SHCBP1L: variants seen among roughly 807,000 people sequenced by gnomAD.
SHCBP1L encodes SHC binding and spindle associated 1 like, also known as testicular spindle-associated protein SHCBP1L.
A neutral mutation model predicts 62.5 loss-of-function variants in SHCBP1L; 67 were observed. The ratio of observed to expected loss-of-function variants is 1.07; its 90% CI spans 0.88 to 1.31. The LOEUF (loss-of-function observed/expected upper bound fraction) is 1.31. Among genes scored for constraint, SHCBP1L ranks in the 40% most tolerant of loss-of-function variants. The pLI is 0.00. For synonymous variants in SHCBP1L, 284 were observed against 289.4 expected, an observed-to-expected ratio of 0.98 and a Z score of 0.19; for missense variants, 823 against 809.8, an observed-to-expected ratio of 1.02 and a Z score of -0.20.
At chr1:182,924,778 A>AAGAGAG (rs1425692109) in intron 6 of SHCBP1L, among the ~76,000 whole-genome samples, 2 of 99,068 alleles carry the variant, frequency 2.0e-5, no homozygotes, top group African/African-American at 1.6e-4. Context: ...GAAAGAAAGA[A>AAGAGAG]AGAAAGAAAG....
At chr1:182,914,716 CA>C (rs561888927) in intron 6 of SHCBP1L, among the ~76,000 whole-genome samples, 184 of 150,842 alleles carry the variant, frequency 1.2e-3, no homozygotes, top group African/African-American at 4.0e-3. Context: ...CACTGCGTAA[CA>C]AAAAAAAGAT....
chr1:182,930,899 T>A (rs72727056), intron 5 of SHCBP1L, among the ~76,000 whole-genome samples: 5,666 of 145,176 alleles, frequency 0.039, 155 homozygotes, highest in Non-Finnish European at 0.059. Flanking sequence ...CTTTTTTTTT[T>A]TTTTTTTTAA....
chr1:182,942,897 C>A (rs981403959), intron 2 of SHCBP1L, among the ~76,000 whole-genome samples: 2 of 152,076 alleles, frequency 1.3e-5, no homozygotes, highest in Non-Finnish European at 2.9e-5. Context: ...AATCACTAAC[C>A]AAACTTTGAA....
At chr1:182,917,406 G>C (rs1650388219) in intron 6 of SHCBP1L, among the ~76,000 whole-genome samples, 1 of 152,138 alleles carries the variant, frequency 6.6e-6, no homozygotes, top group South Asian at 2.1e-4. Flanking sequence ...GCTATGCCCA[G>C]CTAATTTCTG....
intron 6 of SHCBP1L, among the ~76,000 whole-genome samples, chr1:182,924,975 A>AGAAAGAAAG (rs1650689587): frequency 7.8e-6 from 1 of 128,448 alleles, no homozygotes; most frequent in Non-Finnish European, 1.6e-5. Flanking sequence ...AGAAAGAAAG[A>AGAAAGAAAG]AAAAAAAAGG....
intron 6 of SHCBP1L, among the ~76,000 whole-genome samples, chr1:182,927,671 CAA>C (rs1049517840): frequency 9.6e-5 from 7 of 72,784 alleles, no homozygotes; most frequent in Non-Finnish European, 9.5e-5. Context: ...GACTCCGTCT[CAA>C]AAAAAAAAAA....
intron 6 of SHCBP1L, among the ~76,000 whole-genome samples, chr1:182,922,471 T>C (rs1030016118): frequency 6.6e-6 from 1 of 151,544 alleles, no homozygotes; most frequent in Non-Finnish European, 1.5e-5. Flanking sequence ...GGAGAATCGC[T>C]TGAATCTGGA....
At chr1:182,931,764 C>CTG (rs765935742) in intron 5 of SHCBP1L, among the ~76,000 whole-genome samples, 1 of 152,100 alleles carries the variant, frequency 6.6e-6, no homozygotes, top group Non-Finnish European at 1.5e-5. Context: ...TATATTGACA[C>CTG]ATCATTATCA....
intron 6 of SHCBP1L, among the ~76,000 whole-genome samples, chr1:182,927,296 A>G (rs1650796994): frequency 6.6e-6 from 1 of 151,878 alleles, no homozygotes; most frequent in Non-Finnish European, 1.5e-5. Context: ...GATGATGGGC[A>G]TGAATAAACT....
chr1:182,944,957 C>CTTTTTTTTTTT (rs11309339), intron 2 of SHCBP1L, among the ~76,000 whole-genome samples: 2 of 109,074 alleles, frequency 1.8e-5, no homozygotes, highest in African/African-American at 3.9e-5. Flanking sequence ...TTCTTTCTTT[C>CTTTTTTTTTTT]TTTTTTTTTT....
In SHCBP1L at chr1:182,939,477, T is replaced by C. The variant is rs1474702893; in HGVS notation, c.847A>G (p.Arg283Gly). 1.2e-6 allele frequency: 2 copies of C among 1,604,960 alleles called. No homozygotes were observed. Among genetic ancestry groups the C allele is most frequent in the East Asian group, 2.2e-5 (1 of 44,694 alleles). Residue 283 changes from arginine (R) to glycine (G), a missense_variant, in exon 4 of 10, where the codon AGA becomes GGA. Coordinates refer to ENST00000367547, the MANE Select transcript of SHCBP1L (RefSeq NM_030933.4). ...CENYTALIEE[R>G]INLWCDIQDG... ...ATAAACTATACTTACAAATTAATTC[T>C]TTCTTCAATAAGTGCAGTATAATTC...
At chr1:182,924,790 G>GGA (rs1650656569) in intron 6 of SHCBP1L, among the ~76,000 whole-genome samples, 4 of 73,414 alleles carry the variant, frequency 5.4e-5, no homozygotes, top group African/African-American at 2.6e-4. Context: ...GAAAGAAAGA[G>GGA]AGAAAGAAAG....
chr1:182,947,220 G>A (rs1413697285), intron 2 of SHCBP1L, among the ~76,000 whole-genome samples: 1 of 138,562 alleles, frequency 7.2e-6, no homozygotes, highest in Non-Finnish European at 1.5e-5. Context: ...CTGGGTGACA[G>A]AGTGAGACTC....
chr1:182,919,538 C>T (rs1468546362), intron 6 of SHCBP1L, among the ~76,000 whole-genome samples: 4 of 152,064 alleles, frequency 2.6e-5, no homozygotes, highest in African/African-American at 9.7e-5. Flanking sequence ...TGGAGTGGGG[C>T]AAAAACATCC....
rs1466334874 is a variant in SHCBP1L at position 182,904,336 on chromosome 1, T to C, written c.1431A>G (p.Leu477=). The C allele has an allele frequency of 2.3e-5, 37 of 1,614,076 alleles. No homozygotes were observed. Among genetic ancestry groups the C allele is most frequent in the Admixed American group, 5.0e-5 (3 of 59,986 alleles). ...SKADNVKLMH[L]SLIQQGTVDG... ...CAACCGTCCCTTGTTGTATCAAAGA[T>C]AGATGCATTAGTTTCACATTGTCAG... Residue 477 remains leucine (L), a synonymous_variant, in exon 8 of 10, where the codon CTA becomes CTG. Transcript: ENST00000367547.
At chr1:182,936,970 C>T (rs929896754) in intron 5 of SHCBP1L, among the ~76,000 whole-genome samples, 5 of 152,042 alleles carry the variant, frequency 3.3e-5, no homozygotes, top group African/African-American at 1.2e-4. Context: ...GAGAGGATCA[C>T]TTGAGCCTGG....
At position 182,903,101 on chromosome 1, in the gene SHCBP1L, G is replaced by T; in HGVS notation, c.1648C>A (p.His550Asn). 1.2e-6 allele frequency: 2 copies of T among 1,600,486 alleles called. No individual in the cohort carries two copies. Among genetic ancestry groups the T allele is most frequent in the South Asian group, 2.3e-5 (2 of 88,804 alleles). The stretch of plus-strand genomic sequence containing the variant: ...TTACTGGTTCTGAGGTTATTACAGT[G>T]ATGAATTTCATTTCTTTCCAAAATA... ...IAILERNEIH[H>N]CNNLRTSNSS... Residue 550 changes from histidine (H) to asparagine (N), a missense_variant, in exon 9 of 10, where the codon CAC (histidine) becomes AAC (asparagine). Coordinates refer to ENST00000367547, the MANE Select transcript of SHCBP1L (RefSeq NM_030933.4).
At chr1:182,924,675 A>AGAAAG (rs140771329) in intron 6 of SHCBP1L, among the ~76,000 whole-genome samples, 5,224 of 93,112 alleles carry the variant, frequency 0.056, 954 homozygotes, top group Middle Eastern at 0.076. Flanking sequence ...CAACTACAAA[A>AGAAAG]GAAAGGAAAG....
rs774298992 is a variant in SHCBP1L at position 182,952,796 on chromosome 1, C to T, written c.338G>A (p.Arg113His). The change falls in exon 1 of 10, where the codon CGT (arginine) becomes CAT (histidine). Residue 113 changes from arginine to histidine, a missense_variant. Transcript: ENST00000367547. ...AQPLPPVCVSRMRGMWRDEKV... is the reference protein window; with the variant it reads ...AQPLPPVCVSHMRGMWRDEKV... ...CTCGTCCCGCCACATCCCCCTCATACGGGACACGCAGACTGGGGGCAGGGG... is the reference window on the plus strand; with the variant it reads ...CTCGTCCCGCCACATCCCCCTCATATGGGACACGCAGACTGGGGGCAGGGG... 6.2e-7 allele frequency: 1 copy of T among 1,612,666 alleles called. No individual in the cohort carries two copies.
Sources: gnomAD v4.1 joint callset for allele counts (sites outside exome capture counted in the v4.1 genomes callset) on GRCh38, gnomAD v4.1.1 for gene constraint, MANE v1.5 for transcripts, NCBI Gene and HGNC (gene_info 2026-07-23, HGNC 2026-07-21) for gene names.